FRMD4A: variants seen among roughly 807,000 people sequenced by gnomAD.
FRMD4A encodes the protein FERM domain-containing protein 4A.
FRMD4A carries 29 observed loss-of-function variants against 129.1 expected under a neutral mutation model. The observed-to-expected ratio is 0.22, with a 90% CI of 0.17 to 0.31. The LOEUF is 0.31. FRMD4A is among the 10% of genes least tolerant of loss of function. The pLI, the probability that FRMD4A is intolerant of heterozygous loss-of-function variation, is 1.00. For missense variants in FRMD4A, 1,272 were observed against 1,375.8 expected, an observed-to-expected ratio of 0.92 and a Z score of 1.19; for synonymous variants, 634 against 571.6, an observed-to-expected ratio of 1.11 and a Z score of -1.56.
At chr10:14,165,686 G>T (rs1410627993) in intron 2 of FRMD4A, among the ~76,000 whole-genome samples, 1 of 152,184 alleles carries the variant, frequency 6.6e-6, no homozygotes, top group African/African-American at 2.4e-5. Context: ...TAAAAAGAAT[G>T]AATCATGTCC....
intron 2 of FRMD4A, among the ~76,000 whole-genome samples, chr10:14,068,695 T>C (rs567231419): frequency 1.2e-3 from 184 of 152,322 alleles, no homozygotes; most frequent in Middle Eastern, 0.01. Context: ...CCCACACATA[T>C]GTCATCATAG....
At chr10:13,962,028 C>G (rs1438335792) in intron 2 of FRMD4A, among the ~76,000 whole-genome samples, 1 of 123,254 alleles carries the variant, frequency 8.1e-6, no homozygotes, top group East Asian at 2.3e-4. Flanking sequence ...GATAAATGAA[C>G]AAAAACACAC....
chr10:14,316,149 C>T (rs1318710562), intron 2 of FRMD4A, among the ~76,000 whole-genome samples: 1 of 152,176 alleles, frequency 6.6e-6, no homozygotes, highest in East Asian at 1.9e-4. Context: ...TGATTCCATG[C>T]TTCTTGGCTA....
chr10:14,259,042 T>C (rs1302725297), intron 2 of FRMD4A, among the ~76,000 whole-genome samples: 1 of 152,070 alleles, frequency 6.6e-6, no homozygotes, highest in Admixed American at 6.6e-5. Flanking sequence ...AAAAGGAAAT[T>C]TCTTGGAACA....
chr10:13,931,515 G>C (rs1366043540), intron 2 of FRMD4A, among the ~76,000 whole-genome samples: 1 of 152,048 alleles, frequency 6.6e-6, no homozygotes, highest in African/African-American at 2.4e-5. Flanking sequence ...TCATTCCCCA[G>C]GAAAGACCTT....
intron 2 of FRMD4A, among the ~76,000 whole-genome samples, chr10:13,944,021 A>G (rs2095313742): frequency 1.3e-5 from 2 of 152,208 alleles, no homozygotes; most frequent in African/African-American, 4.8e-5. Context: ...AGAATTAAAG[A>G]GTTGGACAAA....
chr10:13,968,101 C>T (rs980355994), intron 2 of FRMD4A, among the ~76,000 whole-genome samples: 1 of 152,156 alleles, frequency 6.6e-6, no homozygotes, highest in African/African-American at 2.4e-5. Context: ...CAGAATGAGG[C>T]CCCTTCAGTT....
intron 12 of FRMD4A, among the ~76,000 whole-genome samples, chr10:13,732,749 G>C (rs2090397459): frequency 6.6e-6 from 1 of 152,196 alleles, no homozygotes; most frequent in Non-Finnish European, 1.5e-5. Flanking sequence ...GCATCCCCTG[G>C]AGTGCCACCC....
chr10:14,049,467 G>T (rs1006426018), intron 2 of FRMD4A, among the ~76,000 whole-genome samples: 6 of 152,196 alleles, frequency 3.9e-5, no homozygotes, highest in Admixed American at 3.9e-4. Context: ...CACAGTTTGG[G>T]TTTCAGTGTA....
chr10:13,994,998 T>C (rs1035419631), intron 2 of FRMD4A, among the ~76,000 whole-genome samples: 4 of 152,204 alleles, frequency 2.6e-5, no homozygotes, highest in African/African-American at 9.7e-5. Flanking sequence ...GGAGTTAAGA[T>C]AAAGGATTAG....
At chr10:13,922,492 G>C (rs1183165207) in intron 2 of FRMD4A, among the ~76,000 whole-genome samples, 1 of 152,150 alleles carries the variant, frequency 6.6e-6, no homozygotes, top group African/African-American at 2.4e-5. Flanking sequence ...TCATGTAAAA[G>C]TACATAGAAG....
At chr10:14,193,260 T>G (rs1358040230) in intron 2 of FRMD4A, among the ~76,000 whole-genome samples, 1 of 152,182 alleles carries the variant, frequency 6.6e-6, no homozygotes, top group African/African-American at 2.4e-5. Context: ...ATCCATCAAC[T>G]GAGACTAATG....
chr10:14,030,524 A>T (rs1361194179), intron 2 of FRMD4A, among the ~76,000 whole-genome samples: 1 of 152,240 alleles, frequency 6.6e-6, no homozygotes, highest in East Asian at 1.9e-4. Flanking sequence ...CCTTACCTTC[A>T]AACTACAAAG....
At chr10:13,837,736 C>T (rs1005000499) in intron 3 of FRMD4A, among the ~76,000 whole-genome samples, 6 of 152,210 alleles carry the variant, frequency 3.9e-5, no homozygotes, top group Non-Finnish European at 5.9e-5. Flanking sequence ...TCATGCACTA[C>T]GCCCAGCTTT....
At chr10:14,061,106 A>G (rs1834788333) in intron 2 of FRMD4A, among the ~76,000 whole-genome samples, 1 of 152,246 alleles carries the variant, frequency 6.6e-6, no homozygotes, top group Non-Finnish European at 1.5e-5. Flanking sequence ...TTGGCTATAA[A>G]TGTGCAATAT....
intron 24 of FRMD4A, chr10:13,648,021 C>G (rs2081256779): frequency 6.6e-6 from 1 of 150,662 alleles, no homozygotes; most frequent in African/African-American, 2.4e-5. Flanking sequence ...GTACCAAACA[C>G]AGCTTCACGA....
chr10:13,682,819 T>C (rs1042205109), intron 15 of FRMD4A, among the ~76,000 whole-genome samples: 132 of 152,056 alleles, frequency 8.7e-4, no homozygotes, highest in African/African-American at 3.1e-3. Context: ...CCCATTTTCA[T>C]AGAAAAGGTC....
At chr10:13,964,285 C>T (rs1368192746) in intron 2 of FRMD4A, among the ~76,000 whole-genome samples, 1 of 152,132 alleles carries the variant, frequency 6.6e-6, no homozygotes, top group Non-Finnish European at 1.5e-5. Flanking sequence ...TCCCCACTAA[C>T]AAACGAACAA....
At chr10:13,904,605 A>T (rs966708223) in intron 2 of FRMD4A, among the ~76,000 whole-genome samples, 8 of 152,234 alleles carry the variant, frequency 5.3e-5, no homozygotes, top group Admixed American at 5.2e-4. Flanking sequence ...TACACGGTGT[A>T]TGGTATTTAA....
Sources: gnomAD v4.1 joint callset for allele counts (sites outside exome capture counted in the v4.1 genomes callset) on GRCh38, gnomAD v4.1.1 for gene constraint, MANE v1.5 for transcripts, NCBI Gene and HGNC (gene_info 2026-07-23, HGNC 2026-07-21) for gene names.